DNAH5: variants seen among roughly 807,000 people sequenced by gnomAD.
DNAH5 encodes the protein axonemal beta dynein heavy chain 5.
Under a neutral mutation model 518.2 loss-of-function variants are expected in DNAH5, and 372 were observed. The observed-to-expected ratio is 0.72, with a 90% CI of 0.66 to 0.78. The LOEUF (loss-of-function observed/expected upper bound fraction) is 0.78, where lower values mean the gene tolerates loss of function less well. DNAH5 is among the 30% of genes least tolerant of loss of function. The pLI, the probability that DNAH5 is intolerant of heterozygous loss-of-function variation, is 0.00. For missense variants in DNAH5, 5,523 were observed against 5,687.0 expected (o/e 0.97, Z 0.93); for synonymous variants, 2,039 against 2,025.9 (o/e 1.01, Z -0.17).
intron 35 of DNAH5, among the ~76,000 whole-genome samples, chr5:13,837,951 C>T (rs2121126): frequency 0.39 from 59,406 of 151,600 alleles, 11,860 homozygotes; most frequent in East Asian, 0.6. Flanking sequence ...CCACCCACTT[C>T]GGCCTCCCAA....
chr5:13,977,706 C>G (rs1384957032), intron 1 of DNAH5, among the ~76,000 whole-genome samples: 1 of 152,098 alleles, frequency 6.6e-6, no homozygotes, highest in Non-Finnish European at 1.5e-5. Flanking sequence ...CATCCTGGGT[C>G]CCAGCCCAGG....
In DNAH5 at chr5:13,901,401, G is replaced by C; in HGVS notation, c.1903C>G (p.His635Asp). The stretch of plus-strand genomic sequence containing the variant: ...AGCTGCATGGGCTGCTGAATCCTAT[G>C]GAAGAGCTGGCGGGCCCACAAAATC... ...GKILWARQLF[H>D]RIQQPMQLFQ... Residue 635 changes from histidine to aspartate, a missense_variant, in exon 14 of 79, where the codon CAT becomes GAT. His to Asp is a moderately conservative substitution (Grantham distance 81, BLOSUM62 -1). Around this residue, in one of 3 missense-constraint regions of DNAH5, gnomAD observed 5,121 missense variants for 5,223.3 expected, o/e 0.98. Coordinates refer to ENST00000265104, the MANE Select transcript of DNAH5 (RefSeq NM_001369.3). The C allele has an allele frequency of 6.2e-7, 1 of 1,614,152 alleles. No individual in the cohort carries two copies. Among genetic ancestry groups the C allele is most frequent in the Non-Finnish European group, 8.5e-7 (1 of 1,180,024 alleles).
chr5:13,714,130 C>T (rs546930141), intron 75 of DNAH5, among the ~76,000 whole-genome samples: 1 of 152,200 alleles, frequency 6.6e-6, no homozygotes, highest in South Asian at 2.1e-4. Flanking sequence ...AGGGAAGGTT[C>T]AGAAAAGCAG....
intron 65 of DNAH5, among the ~76,000 whole-genome samples, chr5:13,745,250 G>A (rs1476994054): frequency 6.6e-6 from 1 of 151,962 alleles, no homozygotes; most frequent in Non-Finnish European, 1.5e-5. Flanking sequence ...GTTGTTGTAG[G>A]CCTACAACAT....
intron 6 of DNAH5, 87 bp from the exon 7 acceptor site, chr5:13,919,439 C>A: frequency 1.3e-6 from 2 of 1,504,046 alleles, no homozygotes; most frequent in South Asian, 1.2e-5. Context: ...ATAAGGAAAT[C>A]AATTATCCTA....
chr5:13,870,522 A>C (rs1302689677), intron 24 of DNAH5, among the ~76,000 whole-genome samples: 1 of 152,152 alleles, frequency 6.6e-6, no homozygotes, highest in African/African-American at 2.4e-5. Context: ...GCACTCACCA[A>C]TAAATCATTT....
chr5:13,701,181 G>A (rs904051736), intron 77 of DNAH5, 103 bp downstream of exon 77: 5 of 1,512,164 alleles, frequency 3.3e-6, no homozygotes, highest in Non-Finnish European at 4.6e-6. Context: ...ACCAAAAAGA[G>A]ACAGTCATTC....
At chr5:13,804,723 A>G (rs1759304982) in intron 47 of DNAH5, among the ~76,000 whole-genome samples, 1 of 152,248 alleles carries the variant, frequency 6.6e-6, no homozygotes, top group Non-Finnish European at 1.5e-5. Flanking sequence ...GAATCTGGCT[A>G]AAGCCATGTG....
chr5:13,793,441 G>T, intron 49 of DNAH5, 74 bp downstream of exon 49: 1 of 1,292,898 alleles, frequency 7.7e-7, no homozygotes, highest in Non-Finnish European at 1.1e-6. Flanking sequence ...TGGGTCTTGG[G>T]TGAAGATTTT....
At chr5:13,833,131 C>CAAAAAAAAAAAA (rs57578159) in intron 35 of DNAH5, among the ~76,000 whole-genome samples, 2 of 140,248 alleles carry the variant, frequency 1.4e-5, no homozygotes, top group African/African-American at 2.8e-5. Context: ...ATGTGTTATC[C>CAAAAAAAAAAAA]AAAAAAAAAA....
intron 52 of DNAH5, among the ~76,000 whole-genome samples, chr5:13,785,138 T>A (rs1755787215): frequency 6.6e-6 from 1 of 152,074 alleles, no homozygotes; most frequent in Admixed American, 6.6e-5. Context: ...TTCCTACAAC[T>A]AGATGGTCCC....
At chr5:13,773,787 G>A (rs888951343) in intron 55 of DNAH5, among the ~76,000 whole-genome samples, 2 of 152,158 alleles carry the variant, frequency 1.3e-5, no homozygotes, top group African/African-American at 4.8e-5. Flanking sequence ...CCTGGCTTGG[G>A]GGGAAACGGA....
At chr5:13,716,112 G>A (rs1378791902) in intron 74 of DNAH5, among the ~76,000 whole-genome samples, 3 of 152,180 alleles carry the variant, frequency 2.0e-5, no homozygotes, top group Admixed American at 6.5e-5. Context: ...AACAAATTGG[G>A]TCTAGAAGCT....
intron 1 of DNAH5, among the ~76,000 whole-genome samples, chr5:13,973,656 T>C (rs953092169): frequency 1.1e-4 from 17 of 151,520 alleles, no homozygotes; most frequent in African/African-American, 4.1e-4. Flanking sequence ...GATGTGGATA[T>C]ATATAGTCAT....
At chr5:13,842,423 A>AAAAGAAAGAAAGAAAGAAAG (rs77171541) in intron 32 of DNAH5, among the ~76,000 whole-genome samples, 82 of 75,958 alleles carry the variant, frequency 1.1e-3, no homozygotes, top group East Asian at 3.7e-3. Flanking sequence ...AAAAGAAAAG[A>AAAAGAAAGAAAGAAAGAAAG]AAAGAAAGAA....
intron 38 of DNAH5, among the ~76,000 whole-genome samples, chr5:13,829,202 C>T (rs1177560347): frequency 6.6e-6 from 1 of 152,092 alleles, no homozygotes; most frequent in African/African-American, 2.4e-5. Flanking sequence ...CATGAAAATA[C>T]ATAACACATA....
chr5:13,722,825 A>G (rs1297624922), intron 70 of DNAH5, among the ~76,000 whole-genome samples: 1 of 152,236 alleles, frequency 6.6e-6, no homozygotes, highest in African/African-American at 2.4e-5. Context: ...CCAATGGCAG[A>G]TTAAGAGGCA....
At position 13,902,102 on chromosome 5, in the gene DNAH5, T is replaced by C. The variant is rs1237098652; in HGVS notation, c.1681A>G (p.Lys561Glu). Residue 561 changes from lysine (K) to glutamate (E), a missense_variant, in exon 13 of 79, where the codon AAG becomes GAG. Around this residue, in one of 3 missense-constraint regions of DNAH5, gnomAD observed 5,121 missense variants for 5,223.3 expected, o/e 0.98. Coordinates refer to ENST00000265104, the MANE Select transcript of DNAH5 (RefSeq NM_001369.3). ...AGAGCTTGATTTGTGTTTTGAATCT[T>C]TGCAAATGTAACATCCATGAACTTC... Reference protein sequence around the residue: ...LRKFMDVTFAKIQNTNQALRM... With the variant: ...LRKFMDVTFAEIQNTNQALRM... 1 of 1,609,946 alleles carries C rather than the reference T, an allele frequency of 6.2e-7. No homozygotes were observed. The highest frequency in any genetic ancestry group is 8.5e-7 in the Non-Finnish European group (1 of 1,177,596).
At chr5:13,915,555 C>T (rs2151983979) in intron 9 of DNAH5, among the ~76,000 whole-genome samples, 1 of 152,128 alleles carries the variant, frequency 6.6e-6, no homozygotes, top group East Asian at 1.9e-4. Context: ...GGGAATCTTG[C>T]AGCCATCCCT....
Sources: allele counts gnomAD v4.1 joint callset (sites outside exome capture counted in the v4.1 genomes callset), GRCh38; gene constraint gnomAD v4.1.1; regional missense constraint gnomAD v4.1.1; transcripts MANE v1.5; gene names NCBI Gene and HGNC (gene_info 2026-07-23, HGNC 2026-07-21).